Variants in GPR158 observed in about 807,000 individuals in gnomAD.
GPR158 encodes G protein-coupled receptor 158, also known as metabotropic glycine receptor.
A neutral mutation model predicts 78.2 loss-of-function variants in GPR158; 30 were observed. That is an observed-to-expected ratio of 0.38 (90% CI 0.29 to 0.52). GPR158 has a LOEUF of 0.52. Among genes scored for constraint, GPR158 ranks in the 20% least tolerant of loss-of-function variants. The probability of loss-of-function intolerance (pLI) is 0.83; values close to 1 mark genes in which losing one functional copy is unlikely to be tolerated. For missense variants in GPR158, 1,463 were observed against 1,523.5 expected, an observed-to-expected ratio of 0.96 and a Z score of 0.66; for synonymous variants, 581 against 591.1, an observed-to-expected ratio of 0.98 and a Z score of 0.25.
chr10:25,463,189 G>A (rs1386631048), intron 4 of GPR158, among the ~76,000 whole-genome samples: 2 of 152,152 alleles, frequency 1.3e-5, no homozygotes, highest in African/African-American at 4.8e-5. Flanking sequence ...ATGATTATTA[G>A]CATTTTTTAG....
chr10:25,553,962 T>C (rs910118029), intron 6 of GPR158, among the ~76,000 whole-genome samples: 1 of 152,160 alleles, frequency 6.6e-6, no homozygotes, highest in African/African-American at 2.4e-5. Flanking sequence ...GGTAAATATG[T>C]CAAGTAGGGT....
At chr10:25,242,101 G>A (rs549284467) in intron 2 of GPR158, among the ~76,000 whole-genome samples, 17 of 152,182 alleles carry the variant, frequency 1.1e-4, no homozygotes, top group Non-Finnish European at 2.1e-4. Context: ...CAGTAGCCAC[G>A]TGGTTTCGTG....
chr10:25,436,280 A>C (rs936096698), intron 4 of GPR158, among the ~76,000 whole-genome samples: 1 of 152,178 alleles, frequency 6.6e-6, no homozygotes, highest in Admixed American at 6.5e-5. Context: ...TTTATCTGAC[A>C]ATCCTAATGG....
intron 2 of GPR158, among the ~76,000 whole-genome samples, chr10:25,288,843 T>A (rs1209555299): frequency 1.3e-5 from 2 of 152,244 alleles, no homozygotes; most frequent in African/African-American, 4.8e-5. Context: ...AAAGACTGTA[T>A]CTTAAATATA....
chr10:25,372,251 C>T (rs1169117268), intron 2 of GPR158, among the ~76,000 whole-genome samples: 2 of 152,018 alleles, frequency 1.3e-5, no homozygotes, highest in African/African-American at 4.8e-5. Context: ...CACTTTTACA[C>T]TGTTGGTGGG....
At chr10:25,317,714 G>GTTTTTTTT (rs1854876136) in intron 2 of GPR158, among the ~76,000 whole-genome samples, 1 of 128,452 alleles carries the variant, frequency 7.8e-6, no homozygotes, top group South Asian at 2.5e-4. Context: ...TCTTCGTAAA[G>GTTTTTTTT]TGTTTTTTTT....
In GPR158 at chr10:25,241,125, T is replaced by TTTTCTC. The variant is rs1853598686; in HGVS notation, c.1008+19973_1008+19974insCTTTCT. 5.6e-4 allele frequency among the ~76,000 whole-genome samples: 61 copies of TTTTCTC among 108,516 alleles called. 1 individual carries two copies. Among genetic ancestry groups the TTTTCTC allele is most frequent in the African/African-American group, 2.1e-3 (56 of 27,156 alleles). The allele number at this position is 108,516 out of a possible 152,430, so 71.2% of individuals were successfully genotyped here. ...ACCAAATATTGAATTTTTACTTTGATTTTCTTTCTTTCTTTCTTTCTTTCT... is the reference window on the plus strand; with the variant it reads ...ACCAAATATTGAATTTTTACTTTGATTTTCTCTTTCTTTCTTTCTTTCTTTCTTTCT... On this transcript the variant is annotated intron_variant, in intron 2 of 10. Transcript: ENST00000376351.
At chr10:25,235,134 A>G (rs1853502682) in intron 2 of GPR158, among the ~76,000 whole-genome samples, 1 of 152,252 alleles carries the variant, frequency 6.6e-6, no homozygotes, top group South Asian at 2.1e-4. Context: ...GGCAATGAGT[A>G]GAAATGAAAT....
At chr10:25,255,868 A>G (rs1211539083) in intron 2 of GPR158, among the ~76,000 whole-genome samples, 1 of 152,244 alleles carries the variant, frequency 6.6e-6, no homozygotes, top group African/African-American at 2.4e-5. Context: ...TCACTTAATC[A>G]TGGCAGTAAA....
intron 7 of GPR158, among the ~76,000 whole-genome samples, chr10:25,576,184 G>A (rs549292793): frequency 2.0e-5 from 3 of 152,180 alleles, no homozygotes; most frequent in South Asian, 2.1e-4. Flanking sequence ...CCAGTCTGTA[G>A]TATTTTATCC....
chr10:25,439,052 A>T (rs1373721733), intron 4 of GPR158, among the ~76,000 whole-genome samples: 1 of 152,222 alleles, frequency 6.6e-6, no homozygotes, highest in African/African-American at 2.4e-5. Context: ...CAGAGAAGGT[A>T]TGACCTGGAA....
chr10:25,355,309 G>A lies in GPR158; in HGVS notation c.1009-40602G>A, dbSNP rs117839879. 1.0e-3 allele frequency among the ~76,000 whole-genome samples: 159 copies of A among 151,950 alleles called. 4 individuals carry two copies. In the East Asian group the frequency reaches 0.027, roughly 26 times the overall value. On this transcript the variant is annotated intron_variant, in intron 2 of 10. Coordinates refer to ENST00000376351, the MANE Select transcript of GPR158 (RefSeq NM_020752.3). ...TGCATGAACTATTCTGCTGCTGAGA[G>A]CCTTTAATAAATTTTTCAGTTCAGC... is the stretch of plus-strand genomic sequence containing the variant.
At chr10:25,401,924 C>A (rs868584661) in intron 3 of GPR158, among the ~76,000 whole-genome samples, 1 of 152,070 alleles carries the variant, frequency 6.6e-6, no homozygotes, top group Non-Finnish European at 1.5e-5. Flanking sequence ...AGAACATATT[C>A]CTACCTGGCT....
chr10:25,396,589 A>G (rs1196231718), intron 3 of GPR158, among the ~76,000 whole-genome samples: 1 of 152,066 alleles, frequency 6.6e-6, no homozygotes, highest in Non-Finnish European at 1.5e-5. Context: ...GCTTGAGCTC[A>G]GGAGTTCAAA....
chr10:25,476,384 G>GTTTTTTTTTTTTTT (rs56271781), intron 5 of GPR158, among the ~76,000 whole-genome samples: 1 of 144,436 alleles, frequency 6.9e-6, no homozygotes. Flanking sequence ...TTTAATAAGG[G>GTTTTTTTTTTTTTT]TTTTTTTTTT....
chr10:25,433,570 T>TGC (rs71472803), intron 4 of GPR158, among the ~76,000 whole-genome samples: 37,191 of 125,988 alleles, frequency 0.3, 7,586 homozygotes, highest in Non-Finnish European at 0.42. Context: ...TGTGTGTGTG[T>TGC]GCGCGCGCGC....
intron 5 of GPR158, among the ~76,000 whole-genome samples, chr10:25,494,857 T>C (rs1835856817): frequency 6.6e-6 from 1 of 152,224 alleles, no homozygotes; most frequent in Admixed American, 6.5e-5. Flanking sequence ...AAATACATTT[T>C]ATTTTTTAAG....
intron 2 of GPR158, among the ~76,000 whole-genome samples, chr10:25,327,175 G>A (rs1444334395): frequency 3.9e-5 from 6 of 151,922 alleles, no homozygotes; most frequent in African/African-American, 7.3e-5. Context: ...ACACACACGC[G>A]CAAGAAGTGT....
At chr10:25,506,046 A>G (rs1836008925) in intron 5 of GPR158, among the ~76,000 whole-genome samples, 1 of 152,322 alleles carries the variant, frequency 6.6e-6, no homozygotes, top group Middle Eastern at 3.4e-3. Flanking sequence ...ATTTTAAGCA[A>G]TCAATCAATG....
Sources: allele counts gnomAD v4.1 joint callset (sites outside exome capture counted in the v4.1 genomes callset), GRCh38; gene constraint gnomAD v4.1.1; transcripts MANE v1.5; gene names NCBI Gene and HGNC (gene_info 2026-07-23, HGNC 2026-07-21).